KALRN: variants seen among roughly 807,000 people sequenced by gnomAD.
KALRN encodes kalirin.
A neutral mutation model predicts 353.7 loss-of-function variants in KALRN; 70 were observed. The observed-to-expected ratio is 0.20, with a 90% CI of 0.16 to 0.24. KALRN has a LOEUF of 0.24. Among genes scored for constraint, KALRN ranks in the 10% least tolerant of loss-of-function variants. The probability of loss-of-function intolerance (pLI) is 1.00; values close to 1 mark genes in which losing one functional copy is unlikely to be tolerated. For missense variants in KALRN, 2,791 were observed against 3,756.7 expected (o/e 0.74, Z 6.72); for synonymous variants, 1,391 against 1,434.8 (o/e 0.97, Z 0.69).
In KALRN at chr3:124,719,314, T is replaced by C; in HGVS notation, c.8805T>C (p.His2935=). The part of the protein sequence containing the change: ...RRPTAATCLQ[H]PWLQPHNGSY... ...CCACAGCAGCCACATGCTTGCAGCA[T>C]CCATGGCTGCAGCCCCATAATGGCA... The change falls in exon 60 of 60, where the codon CAT becomes CAC. Residue 2935 remains histidine, a synonymous_variant. Transcript: ENST00000682506. This position sits in a 1 kb window ranked among gnomAD's most constrained non-coding sequence, Gnocchi z 5.3. 1 of 1,614,208 alleles carries C rather than the reference T, an allele frequency of 6.2e-7. No individual in the cohort carries two copies. Among genetic ancestry groups the C allele is most frequent in the East Asian group, 2.2e-5 (1 of 44,878 alleles).
Position 124,150,967 on chromosome 3 carries a change from C to T in KALRN, c.74-77023C>T, listed in dbSNP as rs146323640. On this transcript the variant is annotated intron_variant, in intron 1 of 59. Coordinates refer to ENST00000682506, the MANE Select transcript of KALRN (RefSeq NM_001388419.1). ...TTGGTATATGTAGAATCCTAAAATA[C>T]ACACTGTTTTGTGTCTGTCCTCTTT... Among the ~76,000 whole-genome samples, 450 of 152,304 alleles carry T rather than the reference C, an allele frequency of 3.0e-3. 1 individual carries two copies. Among genetic ancestry groups the T allele is most frequent in the Middle Eastern group, 3.4e-3 (1 of 294 alleles).
At chr3:124,717,441 C>CT in intron 59 of KALRN, 56 bp downstream of exon 59, 1 of 1,332,440 alleles carries the variant, frequency 7.5e-7, no homozygotes, top group East Asian at 2.5e-5. Context: ...AATCCCAGCA[C>CT]TTTGGGAGGC....
chr3:124,212,884 T>G (rs1488801621), intron 1 of KALRN, among the ~76,000 whole-genome samples: 1 of 152,176 alleles, frequency 6.6e-6, no homozygotes, highest in Non-Finnish European at 1.5e-5. Context: ...CTTTTTCTTA[T>G]GTTTATTATC....
rs1449307108 is a variant in KALRN at position 124,298,709 on chromosome 3, T to C, written c.970-82T>C. On this transcript the variant is annotated intron_variant, in intron 5 of 59. Coordinates refer to ENST00000682506, the MANE Select transcript of KALRN (RefSeq NM_001388419.1). Reference sequence around the variant, plus strand: ...ACTGAGCACCAGCAGGAGAGCTTTTTCCCCTTCCACTAGCTCTGAAAGTTT... The same window carrying C: ...ACTGAGCACCAGCAGGAGAGCTTTTCCCCCTTCCACTAGCTCTGAAAGTTT... 4 of 1,506,660 alleles carry C rather than the reference T, an allele frequency of 2.7e-6. No homozygotes were observed. The East Asian group carries it at 6.8e-5, about 26-fold the overall frequency. The allele number at this position is 1,506,660 out of a possible 1,614,324, so 93.3% of individuals were successfully genotyped here.
At chr3:124,143,025 C>G (rs2066830259) in intron 1 of KALRN, among the ~76,000 whole-genome samples, 1 of 152,018 alleles carries the variant, frequency 6.6e-6, no homozygotes, top group South Asian at 2.1e-4. Context: ...CCCTCAGCAC[C>G]TAATACAGTT....
At chr3:124,595,661 T>C (rs115527729) in intron 34 of KALRN, among the ~76,000 whole-genome samples, 2,033 of 152,278 alleles carry the variant, frequency 0.013, 42 homozygotes, top group African/African-American at 0.046. Context: ...TGTCTGGAAT[T>C]ACAAGAACTT....
chr3:124,286,127 C>CTTTCTTTCTTTCTTTCTT (rs2075860957), intron 5 of KALRN, among the ~76,000 whole-genome samples: 3 of 144,170 alleles, frequency 2.1e-5, no homozygotes, highest in Admixed American at 1.4e-4. Flanking sequence ...TTCTTTCTTT[C>CTTTCTTTCTTTCTTTCTT]TTTCTTTCTT....
intron 1 of KALRN, among the ~76,000 whole-genome samples, chr3:124,140,795 G>GA (rs1415863040): frequency 1.4e-5 from 2 of 145,182 alleles, no homozygotes; most frequent in African/African-American, 5.6e-5. Flanking sequence ...TTGCCCTCCC[G>GA]GGGGGGGCAC....
chr3:124,266,213 T>A, intron 4 of KALRN, among the ~76,000 whole-genome samples: 1 of 152,290 alleles, frequency 6.6e-6, no homozygotes, highest in Non-Finnish European at 1.5e-5. Context: ...AGTATTAAAA[T>A]ATTTATTGTT....
chr3:124,318,509 A>T (rs1457969227), intron 6 of KALRN, among the ~76,000 whole-genome samples: 1 of 152,232 alleles, frequency 6.6e-6, no homozygotes, highest in Non-Finnish European at 1.5e-5. Context: ...ATTAATCATA[A>T]ACTAATGATT....
chr3:124,399,724 G>A (rs554626161), intron 13 of KALRN, among the ~76,000 whole-genome samples: 1 of 152,322 alleles, frequency 6.6e-6, no homozygotes, highest in South Asian at 2.1e-4. Context: ...CCATTTGTTA[G>A]TTCATCTCAT....
At chr3:124,612,338 G>A (rs935627635) in intron 34 of KALRN, among the ~76,000 whole-genome samples, 1 of 152,220 alleles carries the variant, frequency 6.6e-6, no homozygotes, top group Non-Finnish European at 1.5e-5. Context: ...CAAGTAGCTG[G>A]GATTACAGGC....
chr3:124,129,536 A>G (rs1206543830), intron 1 of KALRN, among the ~76,000 whole-genome samples: 5 of 152,194 alleles, frequency 3.3e-5, no homozygotes, highest in African/African-American at 9.6e-5. Flanking sequence ...CTTGGTGGTT[A>G]GGTGTGGGAT....
chr3:124,064,651 C>G (rs7631947), intron 1 of KALRN, among the ~76,000 whole-genome samples: 2,821 of 152,228 alleles, frequency 0.019, 86 homozygotes, highest in African/African-American at 0.063. Flanking sequence ...AAGGCACCAT[C>G]TGGTCATTGT....
At chr3:124,321,133 G>T (rs1014183522) in intron 6 of KALRN, among the ~76,000 whole-genome samples, 2 of 152,186 alleles carry the variant, frequency 1.3e-5, no homozygotes, top group African/African-American at 4.8e-5. Flanking sequence ...TTTGTGCCAG[G>T]CATCTGGCTG....
rs184248714 is a variant in KALRN at position 124,695,562 on chromosome 3, T to C, written c.7578-572T>C. Among the ~76,000 whole-genome samples the C allele has an allele frequency of 2.6e-5, 4 of 152,276 alleles. No individual in the cohort carries two copies. In the East Asian group the frequency reaches 7.7e-4, roughly 29 times the overall value. On this transcript the variant is annotated intron_variant, in intron 53 of 59. Transcript: ENST00000682506. ...GGAAGGGGCAGAGCTGACTGTGACT[T>C]CTGTATTTCAGAGCAGTTCTCCCCT... is the stretch of plus-strand genomic sequence containing the variant.
chr3:124,439,200 TCACACACACACACACA>T (rs376221553), intron 18 of KALRN, among the ~76,000 whole-genome samples, 163 bp downstream of exon 18: 4 of 98,878 alleles, frequency 4.0e-5, no homozygotes, highest in African/African-American at 1.4e-4. Flanking sequence ...TCTCTCTCTC[TCACACACACACACACA>T]CACACACACA....
At chr3:124,453,348 C>T (rs968966169) in intron 21 of KALRN, among the ~76,000 whole-genome samples, 7 of 152,180 alleles carry the variant, frequency 4.6e-5, no homozygotes, top group African/African-American at 1.4e-4. Context: ...CTCCATGTGC[C>T]GAGTGAGCTA....
At position 124,455,234 on chromosome 3, in the gene KALRN, G is replaced by C; in HGVS notation, c.3610G>C (p.Gly1204Arg). The change falls in exon 22 of 60, where the codon GGC becomes CGC. Residue 1204 changes from glycine (G) to arginine (R), a missense_variant. By Grantham distance (125) the Gly-to-Arg change is moderately radical (BLOSUM62 -2). This residue lies in a region of KALRN where 268 missense variants were observed against 347.0 expected (regional missense o/e 0.77). Coordinates refer to ENST00000682506, the MANE Select transcript of KALRN (RefSeq NM_001388419.1). The stretch of plus-strand genomic sequence containing the variant: ...GCTGGCCGATAGCTTTGTGGAAAAA[G>C]GCCACATTCATGCCACGGAGATAAG... ...IQLADSFVEK[G>R]HIHATEIRKW... The C allele has an allele frequency of 6.2e-7, 1 of 1,614,152 alleles. No homozygotes were observed. Among genetic ancestry groups the C allele is most frequent in the Non-Finnish European group, 8.5e-7 (1 of 1,180,008 alleles).
Sources: allele counts gnomAD v4.1 joint callset (sites outside exome capture counted in the v4.1 genomes callset), GRCh38; gene constraint gnomAD v4.1.1; regional missense constraint gnomAD v4.1.1; non-coding constraint Gnocchi (gnomAD v3.1); transcripts MANE v1.5; gene names NCBI Gene and HGNC (gene_info 2026-07-23, HGNC 2026-07-21).